The following TENM3 variants were observed in gnomAD, a reference collection of about 807,000 sequenced individuals.
TENM3 encodes teneurin-3.
Under a neutral mutation model 255.1 loss-of-function variants are expected in TENM3, and 63 were observed. The observed-to-expected ratio is 0.25, with a 90% CI of 0.20 to 0.30. The LOEUF (loss-of-function observed/expected upper bound fraction) is 0.30. Among genes scored for constraint, TENM3 ranks in the 10% least tolerant of loss-of-function variants. The pLI is 1.00. For missense variants in TENM3, 2,929 were observed against 3,461.1 expected (o/e 0.85, Z 3.86); for synonymous variants, 1,306 against 1,322.3 (o/e 0.99, Z 0.27).
chr4:182,749,579 G>A (rs985848742), intron 19 of TENM3, among the ~76,000 whole-genome samples: 1 of 152,118 alleles, frequency 6.6e-6, no homozygotes, highest in African/African-American at 2.4e-5. Flanking sequence ...TATAGTTCGT[G>A]TAATCCTCCC....
chr4:182,553,865 A>G (rs1742323191), intron 3 of TENM3, among the ~76,000 whole-genome samples: 1 of 152,068 alleles, frequency 6.6e-6, no homozygotes, highest in South Asian at 2.1e-4. Context: ...TCAGGTGCCA[A>G]ATTTTCTCAA....
At chr4:182,311,331 T>C (rs1003975576) in intron 1 of TENM3, among the ~76,000 whole-genome samples, 1 of 152,250 alleles carries the variant, frequency 6.6e-6, no homozygotes, top group Non-Finnish European at 1.5e-5. Context: ...ATTTTCAATA[T>C]GACAGCCTTC....
At chr4:181,621,378 C>A in the TENM3 span, among the ~76,000 whole-genome samples, 1 of 152,144 alleles carries the variant, frequency 6.6e-6, no homozygotes, top group Non-Finnish European at 1.5e-5. Context: ...ATAACTATAT[C>A]TTTATTTGTT....
At chr4:182,460,229 A>G (rs2151384560) in intron 3 of TENM3, among the ~76,000 whole-genome samples, 1 of 152,308 alleles carries the variant, frequency 6.6e-6, no homozygotes, top group African/African-American at 2.4e-5. Context: ...AGAAAGGTAC[A>G]TTTGAAACAA....
chr4:181,913,738 A>G, the TENM3 span, among the ~76,000 whole-genome samples: 1 of 152,152 alleles, frequency 6.6e-6, no homozygotes, highest in Non-Finnish European at 1.5e-5. Flanking sequence ...AAAATGGAGA[A>G]CAAAGAACAG....
chr4:182,467,532 A>T (rs1189456353), intron 3 of TENM3, among the ~76,000 whole-genome samples: 1 of 152,196 alleles, frequency 6.6e-6, no homozygotes, highest in Non-Finnish European at 1.5e-5. Flanking sequence ...CAAGACAATA[A>T]ATGATATCCT....
intron 3 of TENM3, among the ~76,000 whole-genome samples, chr4:182,422,509 A>C (rs2151144502): frequency 6.6e-6 from 1 of 152,320 alleles, no homozygotes; most frequent in African/African-American, 2.4e-5. Context: ...CCTCACGTGC[A>C]GGCTGCAAAT....
At chr4:181,886,417 G>A in the TENM3 span, among the ~76,000 whole-genome samples, 1 of 152,114 alleles carries the variant, frequency 6.6e-6, no homozygotes, top group Non-Finnish European at 1.5e-5. Flanking sequence ...GATATTAAAT[G>A]AACTACAAAT....
At chr4:181,620,038 A>G in the TENM3 span, among the ~76,000 whole-genome samples, 3 of 152,268 alleles carry the variant, frequency 2.0e-5, no homozygotes, top group African/African-American at 4.8e-5. Context: ...AGGCAGGCAG[A>G]TCACTCGAGC....
chr4:181,823,112 C>T, the TENM3 span, among the ~76,000 whole-genome samples: 1,401 of 152,258 alleles, frequency 9.2e-3, 21 homozygotes, highest in African/African-American at 0.031. Context: ...AGCATGATAG[C>T]GGCTATCTGC....
At chr4:182,743,812 T>C (rs757691668) in intron 19 of TENM3, among the ~76,000 whole-genome samples, 30 of 152,232 alleles carry the variant, frequency 2.0e-4, no homozygotes, top group African/African-American at 6.3e-4. Flanking sequence ...GGACCTGATA[T>C]TAAATGGACT....
chr4:182,526,343 C>T (rs775254638), intron 3 of TENM3, among the ~76,000 whole-genome samples: 3 of 152,002 alleles, frequency 2.0e-5, no homozygotes, highest in South Asian at 2.1e-4. Context: ...TCAAGTGCAC[C>T]GCCCCTCTCA....
At chr4:182,244,878 G>A (rs1757541032) in intron 1 of TENM3, among the ~76,000 whole-genome samples, 1 of 152,168 alleles carries the variant, frequency 6.6e-6, no homozygotes, top group African/African-American at 2.4e-5. Context: ...TATTAGCTAT[G>A]CTTGATGTTA....
chr4:182,659,069 G>A (rs1166863142), intron 6 of TENM3, among the ~76,000 whole-genome samples: 2 of 152,206 alleles, frequency 1.3e-5, no homozygotes, highest in Non-Finnish European at 1.5e-5. Context: ...AAGATTCCTG[G>A]GGAGGGGAAT....
the TENM3 span, among the ~76,000 whole-genome samples, chr4:181,539,013 C>A: frequency 4.6e-5 from 7 of 152,158 alleles, no homozygotes; most frequent in African/African-American, 7.2e-5. Context: ...GGGTACAAAT[C>A]TTTTATATTG....
At chr4:182,557,168 A>G (rs1303453257) in intron 3 of TENM3, among the ~76,000 whole-genome samples, 1 of 152,210 alleles carries the variant, frequency 6.6e-6, no homozygotes, top group African/African-American at 2.4e-5. Context: ...GACTTTTTCT[A>G]TTCAACATTG....
At chr4:181,668,386 C>T in the TENM3 span, among the ~76,000 whole-genome samples, 2 of 152,066 alleles carry the variant, frequency 1.3e-5, no homozygotes, top group Admixed American at 1.3e-4. Flanking sequence ...TGTCACAAAT[C>T]CAGTGGTTTA....
In TENM3 at chr4:182,800,026, G is replaced by A; in HGVS notation, c.7775G>A (p.Arg2592Lys). The stretch of plus-strand genomic sequence containing the variant: ...ACGGTGGTGAACGGCAGGACGCGCA[G>A]GTTCGCGGACGTGGAGATGCAGTTC... Reference protein sequence around the residue: ...STTVVNGRTRRFADVEMQFGA... With the variant: ...STTVVNGRTRKFADVEMQFGA... The change falls in exon 28 of 28, where the codon AGG becomes AAG. Residue 2592 changes from arginine (R) to lysine (K), a missense_variant. By Grantham distance (26) the Arg-to-Lys change is conservative (BLOSUM62 2). Coordinates refer to ENST00000511685, the MANE Select transcript of TENM3 (RefSeq NM_001080477.4). 6.3e-7 allele frequency: 1 copy of A among 1,596,910 alleles called. No homozygotes were observed.
chr4:181,460,632 T>C, the TENM3 span, among the ~76,000 whole-genome samples: 1 of 151,448 alleles, frequency 6.6e-6, no homozygotes, highest in Non-Finnish European at 1.5e-5. Flanking sequence ...AATAAGTATA[T>C]TCAGTATCCC....
Sources: gnomAD v4.1 joint callset for allele counts (sites outside exome capture counted in the v4.1 genomes callset) on GRCh38, gnomAD v4.1.1 for gene constraint, MANE v1.5 for transcripts, NCBI Gene and HGNC (gene_info 2026-07-23, HGNC 2026-07-21) for gene names.